LHX8: variants seen among roughly 807,000 people sequenced by gnomAD.
LHX8 encodes the protein LIM/homeobox protein Lhx8.
In LHX8, 12 loss-of-function variants were observed where a neutral mutation model predicts 40.3. The observed-to-expected ratio is 0.30, with a 90% CI of 0.19 to 0.48. The LOEUF (loss-of-function observed/expected upper bound fraction) is 0.48, where lower values mean the gene tolerates loss of function less well. LHX8 is among the 20% of genes least tolerant of loss of function. LHX8 has a pLI of 0.99. For synonymous variants in LHX8, 179 were observed against 162.0 expected, an observed-to-expected ratio of 1.10 and a Z score of -0.80; for missense variants, 344 against 433.7, an observed-to-expected ratio of 0.79 and a Z score of 1.84.
intron 4 of LHX8, 103 bp from the exon 5 acceptor site, chr1:75,143,015 G>A: frequency 2.3e-6 from 2 of 855,642 alleles, no homozygotes; most frequent in Admixed American, 3.8e-5. Context: ...TAAATACTTA[G>A]GTTATTTCAA....
chr1:75,171,654 C>A, the LHX8 span, among the ~76,000 whole-genome samples: 1 of 152,054 alleles, frequency 6.6e-6, no homozygotes, highest in East Asian at 1.9e-4. Flanking sequence ...GCAACCATAA[C>A]AAAAATGCTA....
the LHX8 span, among the ~76,000 whole-genome samples, chr1:75,172,565 C>T: frequency 6.6e-6 from 1 of 152,176 alleles, no homozygotes; most frequent in African/African-American, 2.4e-5. Context: ...AAATTCACAT[C>T]ATTTCCCTTA....
chr1:75,166,969 T>C, the LHX8 span, among the ~76,000 whole-genome samples: 2 of 152,192 alleles, frequency 1.3e-5, no homozygotes, highest in African/African-American at 4.8e-5. Context: ...GGTGTCGAAG[T>C]GGAGCTGAGC....
chr1:75,190,153 G>A, the LHX8 span, among the ~76,000 whole-genome samples: 1 of 152,156 alleles, frequency 6.6e-6, no homozygotes, highest in Non-Finnish European at 1.5e-5. Context: ...AATCTTTTTA[G>A]GGTAGGATTC....
chr1:75,150,746 G>A (rs1002484129), intron 7 of LHX8, among the ~76,000 whole-genome samples: 2 of 148,826 alleles, frequency 1.3e-5, no homozygotes, highest in Admixed American at 6.7e-5. Context: ...GTGTGATCTC[G>A]GCTCACTGGA....
At chr1:75,171,930 A>C in the LHX8 span, among the ~76,000 whole-genome samples, 1 of 152,318 alleles carries the variant, frequency 6.6e-6, no homozygotes, top group East Asian at 1.9e-4. Flanking sequence ...TGCTTAGCCA[A>C]CATCTTGGCA....
chr1:75,158,024 C>A (rs1006483125), intron 8 of LHX8, among the ~76,000 whole-genome samples: 1 of 152,150 alleles, frequency 6.6e-6, no homozygotes, highest in African/African-American at 2.4e-5. Context: ...ACACCTTGAC[C>A]AGCAGCAAGG....
At chr1:75,171,781 C>A in the LHX8 span, among the ~76,000 whole-genome samples, 1 of 152,040 alleles carries the variant, frequency 6.6e-6, no homozygotes, top group Admixed American at 6.6e-5. Context: ...TCTTGCCTTC[C>A]CTTCTTTCCA....
downstream of LHX8, among the ~76,000 whole-genome samples, chr1:75,164,726 CTTT>C (rs201120196): frequency 1.5e-5 from 2 of 135,278 alleles, no homozygotes; most frequent in Non-Finnish European, 1.6e-5. Context: ...AACCAGTATC[CTTT>C]TTTTTTTTTT....
At position 75,161,179 on chromosome 1, in the gene LHX8, T is replaced by C. The variant is rs965159344; in HGVS notation, c.*284T>C. Reference sequence around the variant, plus strand: ...TGTGTATCTGTTAATTTATTTGTCATCAAAAGAGCACTTTGCCTAAAAGAA... The same window carrying C: ...TGTGTATCTGTTAATTTATTTGTCACCAAAAGAGCACTTTGCCTAAAAGAA... On this transcript the variant is annotated 3_prime_UTR_variant, in exon 9 of 9. Transcript: ENST00000356261. The C allele has an allele frequency of 1.9e-5, 7 of 359,028 alleles. No individual in the cohort carries two copies. The highest frequency in any genetic ancestry group is 3.6e-5 in the Non-Finnish European group (7 of 194,764). 22.2% of individuals were successfully genotyped at this position (359,028 alleles called of 1,614,324 possible). A position where few individuals can be genotyped will look rare whatever the true frequency, so the allele number is the denominator to read the frequency against.
At chr1:75,176,755 T>C in the LHX8 span, among the ~76,000 whole-genome samples, 1 of 152,200 alleles carries the variant, frequency 6.6e-6, no homozygotes, top group Non-Finnish European at 1.5e-5. Flanking sequence ...CCCATGCCTA[T>C]GTCCCGAATG....
At chr1:75,149,576 CAG>C (rs1172502799) in intron 7 of LHX8, among the ~76,000 whole-genome samples, 1 of 152,044 alleles carries the variant, frequency 6.6e-6, no homozygotes, top group Non-Finnish European at 1.5e-5. Flanking sequence ...CTTTTTGAAA[CAG>C]GGTCATGGGT....
the LHX8 span, among the ~76,000 whole-genome samples, chr1:75,173,816 C>T: frequency 1.3e-5 from 2 of 152,086 alleles, no homozygotes; most frequent in South Asian, 2.1e-4. Context: ...TGAAATAACT[C>T]GGAGACCTCA....
chr1:75,197,284 A>T, the LHX8 span, among the ~76,000 whole-genome samples: 2 of 152,150 alleles, frequency 1.3e-5, no homozygotes, highest in Non-Finnish European at 2.9e-5. Flanking sequence ...GATATTATCT[A>T]CTTCTCTCTA....
At chr1:75,195,095 T>C in the LHX8 span, among the ~76,000 whole-genome samples, 1 of 152,202 alleles carries the variant, frequency 6.6e-6, no homozygotes, top group Non-Finnish European at 1.5e-5. Flanking sequence ...TCTATCTATA[T>C]AATTTGTATC....
chr1:75,170,155 G>C, the LHX8 span, among the ~76,000 whole-genome samples: 6 of 152,190 alleles, frequency 3.9e-5, no homozygotes, highest in Non-Finnish European at 1.5e-5. Context: ...CAAGACTTCA[G>C]TGCTTCTGGG....
chr1:75,137,056 G>A, intron 2 of LHX8, 44 bp from the exon 3 acceptor site: 2 of 1,556,862 alleles, frequency 1.3e-6, no homozygotes, highest in Non-Finnish European at 1.7e-6. Context: ...GATGCGAAGG[G>A]GAGGAGGGGT....
intron 8 of LHX8, chr1:75,159,170 T>G (rs1484967291): frequency 6.6e-6 from 1 of 152,210 alleles, no homozygotes; most frequent in Non-Finnish European, 1.5e-5. Flanking sequence ...GAAGATATGA[T>G]TACCTTGTCT....
At chr1:75,163,416 T>C (rs1435545020), downstream of LHX8, among the ~76,000 whole-genome samples, 2 of 152,222 alleles carry the variant, frequency 1.3e-5, no homozygotes, top group African/African-American at 4.8e-5. Flanking sequence ...GTAATGTTTC[T>C]ATTTTATTAT....
Sources: allele counts gnomAD v4.1 joint callset (sites outside exome capture counted in the v4.1 genomes callset), GRCh38; gene constraint gnomAD v4.1.1; transcripts MANE v1.5; gene names NCBI Gene and HGNC (gene_info 2026-07-23, HGNC 2026-07-21).